Variants in SLC24A2 observed in about 807,000 individuals in gnomAD.
SLC24A2 encodes sodium/potassium/calcium exchanger 2.
In SLC24A2, 36 loss-of-function variants were observed where a neutral mutation model predicts 62.0. That is an observed-to-expected ratio of 0.58 (90% CI 0.44 to 0.77). SLC24A2 has a LOEUF of 0.77. Ranked by LOEUF, SLC24A2 falls within the 30% of genes least tolerant of loss-of-function variation. The pLI, the probability that SLC24A2 is intolerant of heterozygous loss-of-function variation, is 0.00. For missense variants in SLC24A2, 846 were observed against 817.9 expected (o/e 1.03, Z -0.42); for synonymous variants, 358 against 294.0 (o/e 1.22, Z -2.23).
the SLC24A2 span, among the ~76,000 whole-genome samples, chr9:20,256,849 G>A: frequency 6.6e-6 from 1 of 151,780 alleles, no homozygotes; most frequent in Non-Finnish European, 1.5e-5. Flanking sequence ...TGCCCATTGA[G>A]CATGAAATAG....
At chr9:19,856,813 A>C in the SLC24A2 span, among the ~76,000 whole-genome samples, 4 of 152,202 alleles carry the variant, frequency 2.6e-5, no homozygotes, top group African/African-American at 9.6e-5. Context: ...TGGCTGCCCC[A>C]TGGTGGATCG....
chr9:19,766,858 G>A (rs1822532159), intron 2 of SLC24A2, among the ~76,000 whole-genome samples: 1 of 152,212 alleles, frequency 6.6e-6, no homozygotes, highest in Non-Finnish European at 1.5e-5. Flanking sequence ...GAGCCGGCAG[G>A]CAGGGACGTT....
intron 2 of SLC24A2, among the ~76,000 whole-genome samples, chr9:19,653,952 C>G (rs940814383): frequency 6.6e-6 from 1 of 152,128 alleles, no homozygotes; most frequent in East Asian, 1.9e-4. Context: ...AATTTACATA[C>G]GAGTCACTCA....
chr9:19,666,625 G>C (rs971783021), intron 2 of SLC24A2, among the ~76,000 whole-genome samples: 2 of 152,282 alleles, frequency 1.3e-5, no homozygotes, highest in Middle Eastern at 6.8e-3. Flanking sequence ...GCAGTGTAGA[G>C]AGTATATATT....
the SLC24A2 span, among the ~76,000 whole-genome samples, chr9:19,959,536 T>C: frequency 4.6e-5 from 7 of 152,232 alleles, no homozygotes; most frequent in Non-Finnish European, 8.8e-5. Flanking sequence ...ACTCTTACTG[T>C]ATCACTGTAA....
At chr9:20,039,716 G>C in the SLC24A2 span, among the ~76,000 whole-genome samples, 1 of 152,072 alleles carries the variant, frequency 6.6e-6, no homozygotes, top group African/African-American at 2.4e-5. Context: ...TGGGGATTCA[G>C]TTGTAAGAAT....
At chr9:20,299,597 T>C in the SLC24A2 span, among the ~76,000 whole-genome samples, 81 of 152,306 alleles carry the variant, frequency 5.3e-4, no homozygotes, top group South Asian at 1.2e-3. Context: ...TATGAATCCA[T>C]TGGACTGCTG....
chr9:20,262,992 G>A, the SLC24A2 span, among the ~76,000 whole-genome samples: 2 of 152,188 alleles, frequency 1.3e-5, no homozygotes, highest in South Asian at 2.1e-4. Context: ...TTCCCTGAGA[G>A]AAGAAATAAA....
chr9:20,134,391 TC>T, the SLC24A2 span, among the ~76,000 whole-genome samples: 1 of 152,080 alleles, frequency 6.6e-6, no homozygotes, highest in Non-Finnish European at 1.5e-5. Context: ...GAAATCTACT[TC>T]CAATGAGAAG....
chr9:19,960,815 G>A, the SLC24A2 span, among the ~76,000 whole-genome samples: 1 of 152,146 alleles, frequency 6.6e-6, no homozygotes, highest in African/African-American at 2.4e-5. Context: ...ACTTCACAGG[G>A]TTGTCGTGAG....
At chr9:20,030,251 G>C in the SLC24A2 span, among the ~76,000 whole-genome samples, 1 of 152,184 alleles carries the variant, frequency 6.6e-6, no homozygotes, top group South Asian at 2.1e-4. Context: ...TATCACATTT[G>C]AAATTATTTC....
intron 7 of SLC24A2, among the ~76,000 whole-genome samples, chr9:19,559,032 A>G (rs1835258982): frequency 6.6e-6 from 1 of 152,176 alleles, no homozygotes; most frequent in Non-Finnish European, 1.5e-5. Context: ...TGTCTTAAAT[A>G]CCCATTCTTT....
In SLC24A2 at chr9:19,512,434, C is replaced by T. The variant is rs1832752685; in HGVS notation, c.*3719G>A. On this transcript the variant is annotated 3_prime_UTR_variant, in exon 11 of 11. Transcript: ENST00000341998. Reference sequence around the variant, plus strand: ...CTGCCGAGGGTATAAACAACCCTATCCCTTAGTCCCTGCATATATCATTGC... The same window carrying T: ...CTGCCGAGGGTATAAACAACCCTATTCCTTAGTCCCTGCATATATCATTGC... The T allele has an allele frequency of 2.0e-5, 3 of 152,346 alleles. No homozygotes were observed. The highest frequency in any genetic ancestry group is 4.4e-5 in the Non-Finnish European group (3 of 68,058). The allele number at this position is 152,346 out of a possible 1,614,324, so 9.4% of individuals were successfully genotyped here.
At chr9:19,548,982 C>A (rs904184582) in intron 8 of SLC24A2, among the ~76,000 whole-genome samples, 4 of 152,172 alleles carry the variant, frequency 2.6e-5, no homozygotes, top group Non-Finnish European at 1.5e-5. Context: ...GCTGTTTCTC[C>A]TTCCCTCTCC....
At chr9:19,847,666 T>C in the SLC24A2 span, among the ~76,000 whole-genome samples, 1 of 152,158 alleles carries the variant, frequency 6.6e-6, no homozygotes, top group East Asian at 1.9e-4. Flanking sequence ...GCAAGCATGA[T>C]ATATATTTTG....
the SLC24A2 span, among the ~76,000 whole-genome samples, chr9:20,277,978 C>A: frequency 1.3e-5 from 2 of 152,056 alleles, no homozygotes; most frequent in Non-Finnish European, 2.9e-5. Context: ...GAGCAAACTA[C>A]CACAAAGACA....
At chr9:19,763,572 A>G (rs948569337) in intron 2 of SLC24A2, among the ~76,000 whole-genome samples, 1 of 152,182 alleles carries the variant, frequency 6.6e-6, no homozygotes, top group African/African-American at 2.4e-5. Context: ...TGAGATAATC[A>G]TGTAGTTTTG....
At chr9:20,306,648 A>G in the SLC24A2 span, among the ~76,000 whole-genome samples, 1 of 152,198 alleles carries the variant, frequency 6.6e-6, no homozygotes, top group East Asian at 1.9e-4. Flanking sequence ...CATCCCATGA[A>G]TAATATCACA....
chr9:19,527,947 A>C (rs949502740), intron 9 of SLC24A2, 102 bp downstream of exon 9: 2 of 763,916 alleles, frequency 2.6e-6, no homozygotes, highest in Admixed American at 4.0e-5. Context: ...GTCACACCCA[A>C]TACTGTTGTG....
Sources: allele counts gnomAD v4.1 joint callset (sites outside exome capture counted in the v4.1 genomes callset), GRCh38; gene constraint gnomAD v4.1.1; transcripts MANE v1.5; gene names NCBI Gene and HGNC (gene_info 2026-07-23, HGNC 2026-07-21).